The following NUMB variants were observed in gnomAD, a reference collection of about 807,000 sequenced individuals.
The protein encoded by NUMB is protein numb homolog.
A neutral mutation model predicts 59.7 loss-of-function variants in NUMB; 29 were observed. The observed-to-expected ratio is 0.49, with a 90% confidence interval of 0.36 to 0.66. NUMB has a LOEUF of 0.66. NUMB is among the 30% of genes least tolerant of loss of function. NUMB has a pLI of 0.00. For synonymous variants in NUMB, 288 were observed against 288.2 expected (o/e 1.00, Z 0.01); for missense variants, 723 against 822.0 (o/e 0.88, Z 1.47).
chr14:73,281,028 T>G (rs923548192), intron 11 of NUMB, among the ~76,000 whole-genome samples: 1 of 152,130 alleles, frequency 6.6e-6, no homozygotes, highest in African/African-American at 2.4e-5. Flanking sequence ...TCTAAAAGAC[T>G]GCCTTTGCTT....
chr14:73,333,870 CT>C (rs879658849), intron 4 of NUMB, among the ~76,000 whole-genome samples: 183 of 143,032 alleles, frequency 1.3e-3, no homozygotes, highest in Non-Finnish European at 1.2e-3. Context: ...ATTGTTGATC[CT>C]TTTTTTTTTT....
chr14:73,325,672 G>A (rs868601924), intron 4 of NUMB, among the ~76,000 whole-genome samples: 6 of 152,230 alleles, frequency 3.9e-5, no homozygotes, highest in Middle Eastern at 3.4e-3. Context: ...ATCCAAAAGC[G>A]AGTGCTGTGA....
At chr14:73,402,787 C>T (rs1229753385) in intron 2 of NUMB, among the ~76,000 whole-genome samples, 3 of 152,164 alleles carry the variant, frequency 2.0e-5, no homozygotes, top group Non-Finnish European at 2.9e-5. Context: ...TTTCACTTTG[C>T]GTTATCAAAA....
intron 2 of NUMB, among the ~76,000 whole-genome samples, chr14:73,374,634 G>C (rs1446065051): frequency 6.6e-6 from 1 of 151,584 alleles, no homozygotes; most frequent in Non-Finnish European, 1.5e-5. Flanking sequence ...AATTATTATA[G>C]TGGGAGATTG....
intron 7 of NUMB, among the ~76,000 whole-genome samples, chr14:73,293,393 C>CTTTTTTTTT (rs56116167): frequency 2.1e-5 from 2 of 95,552 alleles, no homozygotes; most frequent in Non-Finnish European, 4.3e-5. Context: ...GTTTCTTTTT[C>CTTTTTTTTT]TTTTTTTTTT....
At chr14:73,408,893 G>A (rs8013738) in intron 2 of NUMB, among the ~76,000 whole-genome samples, 117,222 of 129,442 alleles carry the variant, frequency 0.91, 54,075 homozygotes, top group East Asian at 1. Context: ...AAAAAAAAAA[G>A]AAAGAAAGAA....
intron 1 of NUMB, among the ~76,000 whole-genome samples, chr14:73,411,920 T>C (rs1053108860): frequency 3.6e-5 from 1 of 28,058 alleles, no homozygotes; most frequent in Non-Finnish European, 5.8e-5. Context: ...AGCAATTAAC[T>C]TTTTTTTTTT....
chr14:73,439,388 T>C (rs1882858334), intron 1 of NUMB, among the ~76,000 whole-genome samples: 1 of 152,196 alleles, frequency 6.6e-6, no homozygotes, highest in Non-Finnish European at 1.5e-5. Context: ...AAAGACCCAA[T>C]TTAGAGTTAA....
chr14:73,411,739 T>C (rs1227058092), intron 1 of NUMB, among the ~76,000 whole-genome samples: 2 of 152,140 alleles, frequency 1.3e-5, no homozygotes, highest in Non-Finnish European at 2.9e-5. Context: ...GAAATTAAAG[T>C]TATAGTAGCT....
Position 73,307,838 on chromosome 14 carries a change from T to C in NUMB, c.234+8552A>G, listed in dbSNP as rs575190368. 3.0e-3 allele frequency among the ~76,000 whole-genome samples: 450 copies of C among 148,000 alleles called. 2 individuals carry two copies. The highest frequency in any genetic ancestry group is 0.021 in the Middle Eastern group (6 of 286). On this transcript the variant is annotated intron_variant, in intron 6 of 12. Coordinates refer to ENST00000555238, the MANE Select transcript of NUMB (RefSeq NM_001005743.2). ...AGCTCCGCCTCCCGGGTTCACGCCA[T>C]TCTCCTGCCTCAGCCTCCCGAGTAG...
chr14:73,433,100 G>C (rs920749587), intron 1 of NUMB, among the ~76,000 whole-genome samples: 1 of 151,962 alleles, frequency 6.6e-6, no homozygotes, highest in Non-Finnish European at 1.5e-5. Context: ...CCAGCTACTC[G>C]GGAGGCTGAG....
chr14:73,307,342 A>AGT (rs1266402070), intron 6 of NUMB, among the ~76,000 whole-genome samples: 3 of 147,864 alleles, frequency 2.0e-5, no homozygotes, highest in Non-Finnish European at 4.5e-5. Context: ...AGGAATTGGG[A>AGT]GTGTGTGTGT....
At chr14:73,429,935 ACT>A (rs1039868621) in intron 1 of NUMB, among the ~76,000 whole-genome samples, 61 of 148,820 alleles carry the variant, frequency 4.1e-4, no homozygotes, top group African/African-American at 1.4e-3. Context: ...ATAAAGTGAG[ACT>A]CTGTCTCAAA....
chr14:73,337,931 TCAACAGTCTTCCC>T (rs1223938303), intron 4 of NUMB, among the ~76,000 whole-genome samples: 3 of 152,172 alleles, frequency 2.0e-5, no homozygotes, highest in African/African-American at 7.2e-5. Context: ...TACTCTTCTA[TCAACAGTCTTCCC>T]CAAATTAATA....
chr14:73,352,099 C>T (rs974929249), intron 4 of NUMB, among the ~76,000 whole-genome samples: 30 of 152,120 alleles, frequency 2.0e-4, no homozygotes, highest in African/African-American at 7.0e-4. Context: ...TGGCTTCCCA[C>T]GTACAAAATC....
intron 1 of NUMB, among the ~76,000 whole-genome samples, chr14:73,418,447 G>A (rs1041966077): frequency 6.6e-6 from 1 of 152,128 alleles, no homozygotes; most frequent in Non-Finnish European, 1.5e-5. Context: ...CATACTGAAT[G>A]CCACTGAACT....
chr14:73,354,568 T>G (rs1936817818), intron 4 of NUMB, among the ~76,000 whole-genome samples: 1 of 148,650 alleles, frequency 6.7e-6, no homozygotes, highest in African/African-American at 2.5e-5. Flanking sequence ...GGCTCAGGCC[T>G]GTAATCCCAG....
chr14:73,296,298 C>T (rs1282109862), intron 7 of NUMB, among the ~76,000 whole-genome samples: 8 of 151,918 alleles, frequency 5.3e-5, no homozygotes, highest in East Asian at 1.9e-4. Context: ...CAAAAATTAG[C>T]GGGGCATGGT....
At chr14:73,422,285 C>T (rs992575456) in intron 1 of NUMB, among the ~76,000 whole-genome samples, 2 of 152,174 alleles carry the variant, frequency 1.3e-5, no homozygotes, top group African/African-American at 2.4e-5. Flanking sequence ...ACTCATCCTC[C>T]TCTAATCATT....
Sources: gnomAD v4.1 joint callset for allele counts (sites outside exome capture counted in the v4.1 genomes callset) on GRCh38, gnomAD v4.1.1 for gene constraint, MANE v1.5 for transcripts, NCBI Gene and HGNC (gene_info 2026-07-23, HGNC 2026-07-21) for gene names.